PRPSAP2: variants seen among roughly 807,000 people sequenced by gnomAD.
The protein encoded by PRPSAP2 is phosphoribosyl pyrophosphate synthetase associated protein 2, also known as phosphoribosyl pyrophosphate synthase-associated protein 2.
PRPSAP2 carries 24 observed loss-of-function variants against 40.6 expected under a neutral mutation model. The observed-to-expected ratio is 0.59, with a 90% CI of 0.43 to 0.83. The LOEUF (loss-of-function observed/expected upper bound fraction) is 0.83. PRPSAP2 is among the 40% of genes least tolerant of loss of function. The pLI is 0.00. For synonymous variants in PRPSAP2, 149 were observed against 164.7 expected (o/e 0.90, Z 0.73); for missense variants, 292 against 465.6 (o/e 0.63, Z 3.43).
intron 8 of PRPSAP2, among the ~76,000 whole-genome samples, chr17:18,909,533 T>C (rs1040585020): frequency 4.6e-5 from 7 of 151,968 alleles, no homozygotes; most frequent in African/African-American, 7.2e-5. Flanking sequence ...CGTGAGCCAC[T>C]GCGCCCGGCC....
At chr17:18,920,512 T>C (rs1055707660) in intron 9 of PRPSAP2, among the ~76,000 whole-genome samples, 1 of 152,318 alleles carries the variant, frequency 6.6e-6, no homozygotes, top group Admixed American at 6.5e-5. Context: ...GTTTCATAGA[T>C]CCTAAATATT....
chr17:18,889,675 G>A (rs2039411798), intron 7 of PRPSAP2, 147 bp from the exon 8 acceptor site: 1 of 566,812 alleles, frequency 1.8e-6, no homozygotes, highest in East Asian at 3.0e-5. Context: ...TTCATAGGCA[G>A]GTTCCTTTCT....
intron 4 of PRPSAP2, among the ~76,000 whole-genome samples, chr17:18,872,245 C>T (rs558923812): frequency 1.0e-4 from 15 of 145,256 alleles, no homozygotes; most frequent in Admixed American, 5.7e-4. Context: ...TGCATTCCAG[C>T]GTGGGCGACA....
chr17:18,857,075 T>C (rs1597479819), upstream of PRPSAP2, among the ~76,000 whole-genome samples: 1 of 152,294 alleles, frequency 6.6e-6, no homozygotes, highest in East Asian at 1.9e-4. Flanking sequence ...GGCTCACGCC[T>C]GTAACCCCAG....
In PRPSAP2 at chr17:18,889,417, G is replaced by A. The variant is rs188926351; in HGVS notation, c.529-405G>A. On this transcript the variant is annotated intron_variant, in intron 7 of 11. Transcript: ENST00000268835. ...GGTTGCTTCAACATGTTATGACTGC[G>A]ATATGTTAAATAGCCATTTGTTTGG... Among the ~76,000 whole-genome samples, 25 of 152,272 alleles carry A rather than the reference G, an allele frequency of 1.6e-4. No homozygotes were observed. In the East Asian group the frequency reaches 4.4e-3, roughly 27 times the overall value.
At chr17:18,927,999 G>A in intron 10 of PRPSAP2, among the ~76,000 whole-genome samples, 1 of 152,006 alleles carries the variant, frequency 6.6e-6, no homozygotes, top group East Asian at 1.9e-4. Context: ...GCTCAGGCTG[G>A]TCTTGAACCC....
At chr17:18,900,041 C>T (rs1408675246) in intron 8 of PRPSAP2, among the ~76,000 whole-genome samples, 5 of 152,200 alleles carry the variant, frequency 3.3e-5, no homozygotes, top group Non-Finnish European at 5.9e-5. Context: ...CATCTGCCAC[C>T]ACGCCCGGCT....
chr17:18,889,912 A>T (rs3826380), intron 8 of PRPSAP2, 35 bp downstream of exon 8: 2 of 1,585,848 alleles, frequency 1.3e-6, no homozygotes, highest in Non-Finnish European at 1.7e-6. Flanking sequence ...TTCTGGATCT[A>T]CTTCTAAGGA....
At chr17:18,879,100 C>T (rs936351956) in intron 6 of PRPSAP2, among the ~76,000 whole-genome samples, 4 of 152,048 alleles carry the variant, frequency 2.6e-5, no homozygotes, top group Non-Finnish European at 5.9e-5. Context: ...GAACTCCTGA[C>T]CTCAAGTGAT....
At chr17:18,923,256 A>ATTTTTTTTTTTT (rs34975526) in intron 9 of PRPSAP2, among the ~76,000 whole-genome samples, 155 of 105,342 alleles carry the variant, frequency 1.5e-3, no homozygotes, top group African/African-American at 1.7e-3. Context: ...CACTTGGCTA[A>ATTTTTTTTTTTT]TTTTTTTTTT....
intron 5 of PRPSAP2, among the ~76,000 whole-genome samples, chr17:18,875,434 G>T (rs1567682397): frequency 1.3e-5 from 2 of 151,796 alleles, no homozygotes; most frequent in Non-Finnish European, 2.9e-5. Context: ...GCATGGTCAT[G>T]AGCGCCTGTA....
intron 4 of PRPSAP2, among the ~76,000 whole-genome samples, chr17:18,868,450 G>C (rs533963028): frequency 1.3e-5 from 2 of 150,586 alleles, no homozygotes; most frequent in Admixed American, 1.3e-4. Context: ...ACTCCAGCCT[G>C]GGGGGGAACA....
intron 9 of PRPSAP2, among the ~76,000 whole-genome samples, chr17:18,918,595 G>C (rs1195572220): frequency 4.6e-5 from 7 of 152,244 alleles, no homozygotes; most frequent in Non-Finnish European, 1.5e-5. Flanking sequence ...CTCGATCCGG[G>C]CCATTTAGTG....
intron 6 of PRPSAP2, among the ~76,000 whole-genome samples, chr17:18,880,266 T>C (rs1175742737): frequency 6.6e-6 from 1 of 152,212 alleles, no homozygotes; most frequent in Non-Finnish European, 1.5e-5. Flanking sequence ...CAGACTTACT[T>C]TCCTGTTCTT....
At chr17:18,871,846 G>A (rs1231060832) in intron 4 of PRPSAP2, among the ~76,000 whole-genome samples, 1 of 152,022 alleles carries the variant, frequency 6.6e-6, no homozygotes, top group Non-Finnish European at 1.5e-5. Context: ...TTTTAGTAGA[G>A]ACGGGGTTTC....
At chr17:18,869,838 T>TGTGTGTG (rs58195806) in intron 4 of PRPSAP2, among the ~76,000 whole-genome samples, 2,067 of 139,594 alleles carry the variant, frequency 0.015, 26 homozygotes, top group African/African-American at 0.038. Flanking sequence ...TTGCTACTTT[T>TGTGTGTG]TTTTTGTGTG....
At chr17:18,896,210 T>C (rs115860186) in intron 8 of PRPSAP2, among the ~76,000 whole-genome samples, 1,871 of 152,338 alleles carry the variant, frequency 0.012, 33 homozygotes, top group African/African-American at 0.043. Flanking sequence ...TTCTGTGATA[T>C]GTTTGTTTAG....
intron 4 of PRPSAP2, 129 bp downstream of exon 4, chr17:18,867,463 G>A: frequency 8.9e-7 from 1 of 1,123,198 alleles, no homozygotes. Context: ...AAGTCAGGCA[G>A]GCAAGGTAGA....
chr17:18,917,572 ATTATTATTATTATTTTTTTT>A (rs2041405605), intron 9 of PRPSAP2: 1 of 29,374 alleles, frequency 3.4e-5, no homozygotes, highest in African/African-American at 1.3e-4. Context: ...TATTATTATT[ATTATTATTATTATTTTTTTT>A]TTTTTTTTTT....
Sources: allele counts gnomAD v4.1 joint callset (sites outside exome capture counted in the v4.1 genomes callset), GRCh38; gene constraint gnomAD v4.1.1; transcripts MANE v1.5; gene names NCBI Gene and HGNC (gene_info 2026-07-23, HGNC 2026-07-21).